DNAH12: variants seen among roughly 807,000 people sequenced by gnomAD.
DNAH12 encodes the protein axonemal beta dynein heavy chain 12.
DNAH12 carries 285 observed loss-of-function variants against 371.5 expected under a neutral mutation model. The ratio of observed to expected loss-of-function variants is 0.77; its 90% CI spans 0.70 to 0.85. The LOEUF (loss-of-function observed/expected upper bound fraction) is 0.85. DNAH12 is among the 40% of genes least tolerant of loss of function. DNAH12 has a pLI of 0.00. For missense variants in DNAH12, 3,611 were observed against 3,689.4 expected (o/e 0.98, Z 0.55); for synonymous variants, 1,200 against 1,213.0 (o/e 0.99, Z 0.22).
At chr3:57,318,497 A>G (rs941451330) in intron 65 of DNAH12, among the ~76,000 whole-genome samples, 1 of 149,354 alleles carries the variant, frequency 6.7e-6, no homozygotes. Flanking sequence ...TGAGCTCTCT[A>G]TTCTTTTCCT....
Position 57,407,350 on chromosome 3 carries a change from C to CA in DNAH12, c.6276+929dup, listed in dbSNP as rs371605349. 9.0e-4 allele frequency among the ~76,000 whole-genome samples: 136 copies of CA among 150,868 alleles called. 1 individual carries two copies. The highest frequency in any genetic ancestry group is 3.2e-3 in the African/African-American group (130 of 41,094). The stretch of plus-strand genomic sequence containing the variant: ...CTTTCTGTATCCCCTTCTACCTGAC[C>CA]AACACCTCTGTATTTTCCAGGACAT... On this transcript the variant is annotated intron_variant, in intron 40 of 73. Coordinates refer to ENST00000495027, the MANE Select transcript of DNAH12 (RefSeq NM_001366028.2).
chr3:57,390,158 C>A (rs2063584861), intron 45 of DNAH12, among the ~76,000 whole-genome samples: 1 of 147,714 alleles, frequency 6.8e-6, no homozygotes, highest in East Asian at 2.2e-4. Context: ...TGACTTAGGG[C>A]TGGGCACAAT....
At chr3:57,433,015 A>G (rs553674013) in intron 32 of DNAH12, among the ~76,000 whole-genome samples, 1 of 152,296 alleles carries the variant, frequency 6.6e-6, no homozygotes, top group South Asian at 2.1e-4. Flanking sequence ...GAAGCATTCC[A>G]TGTTTTCAAA....
chr3:57,340,522 A>G (rs553295178), intron 60 of DNAH12, among the ~76,000 whole-genome samples: 81 of 152,276 alleles, frequency 5.3e-4, no homozygotes, highest in African/African-American at 1.9e-3. Context: ...ATTATAAACA[A>G]TTATAAACTA....
Position 57,408,384 on chromosome 3 carries a change from T to C in DNAH12, c.6172A>G (p.Met2058Val), listed in dbSNP as rs2064102117. 6.4e-7 allele frequency: 1 copy of C among 1,551,598 alleles called. No homozygotes were observed. The highest frequency in any genetic ancestry group is 8.7e-7 in the Non-Finnish European group (1 of 1,146,920). ...CSINSFSDET[M>V]VRIFSSIVAF... The stretch of plus-strand genomic sequence containing the variant: ...ACAATAGATGAGAAGATTCGGACCA[T>C]AGTTTCATCACTAAAAGAATTAATA... Residue 2058 changes from methionine to valine, a missense_variant, in exon 40 of 74, where the codon ATG (methionine) becomes GTG (valine). Physicochemically the swap from Met to Val is conservative, Grantham distance 21. Around this residue, in one of 3 missense-constraint regions of DNAH12, gnomAD observed 2,266 missense variants for 2,236.9 expected, o/e 1.01. Coordinates refer to ENST00000495027, the MANE Select transcript of DNAH12 (RefSeq NM_001366028.2).
chr3:57,440,981 C>T (rs976882743), intron 29 of DNAH12, among the ~76,000 whole-genome samples: 3 of 152,070 alleles, frequency 2.0e-5, no homozygotes, highest in Non-Finnish European at 4.4e-5. Context: ...CAGAGCAAGA[C>T]CCTAACTCTA....
intron 62 of DNAH12, among the ~76,000 whole-genome samples, chr3:57,328,907 T>G (rs1373173222): frequency 7.5e-6 from 1 of 132,594 alleles, no homozygotes; most frequent in Non-Finnish European, 1.6e-5. Flanking sequence ...AGCATTCTTA[T>G]ACACCAATAA....
chr3:57,445,080 C>T (rs368096322), intron 28 of DNAH12, 94 bp downstream of exon 28: 3 of 1,353,636 alleles, frequency 2.2e-6, no homozygotes, highest in African/African-American at 1.5e-5. Context: ...AAAGCTCAAC[C>T]CTCTCAAGTG....
At chr3:57,361,010 C>A (rs2062915938) in intron 58 of DNAH12, among the ~76,000 whole-genome samples, 1 of 152,054 alleles carries the variant, frequency 6.6e-6, no homozygotes, top group Admixed American at 6.6e-5. Flanking sequence ...AACGCCTTTT[C>A]TGCTTATAAC....
chr3:57,333,060 T>G (rs2062137985), intron 62 of DNAH12, among the ~76,000 whole-genome samples: 1 of 152,204 alleles, frequency 6.6e-6, no homozygotes. Context: ...TTTTAGGCTT[T>G]GTGGGACATA....
intron 11 of DNAH12, among the ~76,000 whole-genome samples, chr3:57,499,095 T>C (rs2067421973): frequency 6.6e-6 from 1 of 152,104 alleles, no homozygotes; most frequent in Non-Finnish European, 1.5e-5. Flanking sequence ...TTTATGCTAG[T>C]AAAAGAAATC....
At chr3:57,507,969 A>G in intron 7 of DNAH12, 131 bp from the exon 8 acceptor site, 1 of 779,640 alleles carries the variant, frequency 1.3e-6, no homozygotes, top group Non-Finnish European at 1.9e-6. Flanking sequence ...CAGGCAGATC[A>G]CGAGGTCAGG....
rs565435590 is a variant in DNAH12, at chr3:57,429,621, A to G, written c.5064+70T>C. On this transcript the variant is annotated intron_variant, in intron 33 of 73. Transcript: ENST00000495027. ...AACCCATTTTCTGACATATAATAAA[A>G]AATACTTATTGGCTAAATTAAAGAA... The G allele has an allele frequency of 9.2e-6, 13 of 1,411,048 alleles. No homozygotes were observed. In the African/African-American group the frequency reaches 1.9e-4, roughly 21 times the overall value. 87.4% of individuals were successfully genotyped at this position (1,411,048 alleles called of 1,614,324 possible). A position where few individuals can be genotyped will look rare whatever the true frequency, so the allele number is the denominator to read the frequency against.
chr3:57,293,958 CCGAGATTTT>C lies in DNAH12; in HGVS notation c.11697_11705del (p.Lys3900_Arg3902del). 7.2e-7 allele frequency: 1 copy of C among 1,394,718 alleles called. No individual in the cohort carries two copies. Among genetic ancestry groups the C allele is most frequent in the Non-Finnish European group, 9.4e-7 (1 of 1,064,938 alleles). The allele number at this position is 1,394,718 out of a possible 1,614,324, so 86.4% of individuals were successfully genotyped here. A position where few individuals can be genotyped will look rare whatever the true frequency, so the allele number is the denominator to read the frequency against. ...AGACATAGGCATCCGACTTTATAAT[CCGAGATTTT>C]TGAGCTTGAAAAAAAAAAAGAAATA... On this transcript the variant is annotated inframe_deletion, in exon 74 of 74. Coordinates refer to ENST00000495027, the MANE Select transcript of DNAH12 (RefSeq NM_001366028.2).
chr3:57,457,694 G>T (rs1474027488), intron 22 of DNAH12, 27 bp downstream of exon 22: 4 of 1,540,964 alleles, frequency 2.6e-6, no homozygotes, highest in Non-Finnish European at 3.5e-6. Flanking sequence ...AGAATATAGG[G>T]TATATATCAA....
chr3:57,525,873 T>C (rs1050967803), intron 2 of DNAH12, among the ~76,000 whole-genome samples: 1 of 146,482 alleles, frequency 6.8e-6, no homozygotes, highest in Admixed American at 6.9e-5. Context: ...GCAATTCTCC[T>C]GCCTCAGCCT....
At chr3:57,339,457 A>T (rs2062338584) in intron 60 of DNAH12, among the ~76,000 whole-genome samples, 1 of 152,062 alleles carries the variant, frequency 6.6e-6, no homozygotes, top group Non-Finnish European at 1.5e-5. Flanking sequence ...TGGCAGGATA[A>T]GGATAAACTT....
At chr3:57,434,969 C>T (rs12631123) in intron 30 of DNAH12, among the ~76,000 whole-genome samples, 124,263 of 152,158 alleles carry the variant, frequency 0.82, 50,936 homozygotes, top group East Asian at 0.93. Context: ...TCATTCGCAA[C>T]TGGTAAAAGA....
rs543357909 is a variant in DNAH12, at chr3:57,331,792, T to C, written c.9978+2673A>G. Among the ~76,000 whole-genome samples the C allele has an allele frequency of 2.0e-3, 309 of 152,238 alleles. 16 individuals carry two copies. The South Asian group carries it at 0.061, about 30-fold the overall frequency. The stretch of plus-strand genomic sequence containing the variant: ...TCTGAACCCCTTTTTCTATGAGGCC[T>C]TGTCTTCAAGAGCCCAGTTGTAGCA... On this transcript the variant is annotated intron_variant, in intron 62 of 73. Coordinates refer to ENST00000495027, the MANE Select transcript of DNAH12 (RefSeq NM_001366028.2).
Sources: gnomAD v4.1 joint callset for allele counts (sites outside exome capture counted in the v4.1 genomes callset) on GRCh38, gnomAD v4.1.1 for gene constraint, gnomAD v4.1.1 regional missense constraint, MANE v1.5 for transcripts, NCBI Gene and HGNC (gene_info 2026-07-23, HGNC 2026-07-21) for gene names.